The following MICAL3 variants were observed in gnomAD, a reference collection of about 807,000 sequenced individuals.
MICAL3 encodes the protein microtubule associated monooxygenase, calponin and LIM domain containing 3.
Under a neutral mutation model 207.4 loss-of-function variants are expected in MICAL3, and 62 were observed. The ratio of observed to expected loss-of-function variants is 0.30; its 90% CI spans 0.24 to 0.37. The LOEUF (loss-of-function observed/expected upper bound fraction) is 0.37. Among genes scored for constraint, MICAL3 ranks in the 10% least tolerant of loss-of-function variants. The probability of loss-of-function intolerance (pLI) is 1.00; values close to 1 mark genes in which losing one functional copy is unlikely to be tolerated. For missense variants in MICAL3, 2,368 were observed against 2,635.6 expected, an observed-to-expected ratio of 0.90 and a Z score of 2.22; for synonymous variants, 1,077 against 1,069.3, an observed-to-expected ratio of 1.01 and a Z score of -0.14.
chr22:17,896,928 A>G lies in MICAL3; in HGVS notation c.1002T>C (p.Ala334=). The change falls in exon 8 of 32, where the codon GCT becomes GCC. Residue 334 remains alanine (A), a synonymous_variant. Coordinates refer to ENST00000441493, the MANE Select transcript of MICAL3 (RefSeq NM_015241.3). ...LLSRENVDQE[A]LLSYAREAAD... ...CCGCCTCCCTGGCATAGCTGAGCAGAGCCTCCTGGTCCACGTTTTCTCGGG... is the reference window on the plus strand; with the variant it reads ...CCGCCTCCCTGGCATAGCTGAGCAGGGCCTCCTGGTCCACGTTTTCTCGGG... 1 of 1,613,912 alleles carries G rather than the reference A, an allele frequency of 6.2e-7. No homozygotes were observed. The highest frequency in any genetic ancestry group is 8.5e-7 in the Non-Finnish European group (1 of 1,179,880).
chr22:17,950,518 G>GT (rs764967503), intron 1 of MICAL3, among the ~76,000 whole-genome samples: 21 of 151,760 alleles, frequency 1.4e-4, no homozygotes, highest in Non-Finnish European at 2.8e-4. Flanking sequence ...TTTATTTTTC[G>GT]TAGAGACAGG....
chr22:17,865,880 A>C (rs752803618), intron 18 of MICAL3, 44 bp downstream of exon 18: 1 of 1,517,840 alleles, frequency 6.6e-7, no homozygotes, highest in South Asian at 1.1e-5. Context: ...ACACTGCTGC[A>C]ACACCCACTG....
chr22:17,901,448 T>G (rs753854110), intron 5 of MICAL3, among the ~76,000 whole-genome samples: 1 of 151,852 alleles, frequency 6.6e-6, no homozygotes, highest in Non-Finnish European at 1.5e-5. Flanking sequence ...GCGAGCAGAG[T>G]GCTTGAGCCA....
intron 29 of MICAL3, among the ~76,000 whole-genome samples, chr22:17,795,856 G>A (rs999210773): frequency 1.3e-5 from 2 of 149,502 alleles, no homozygotes; most frequent in African/African-American, 2.5e-5. Context: ...AATCCAACAA[G>A]GGGAGTTCCA....
intron 1 of MICAL3, among the ~76,000 whole-genome samples, chr22:18,002,725 C>G (rs1349244844): frequency 6.6e-6 from 1 of 152,206 alleles, no homozygotes; most frequent in Admixed American, 6.5e-5. Context: ...TCAGTTTCAT[C>G]ATCTGGTCCA....
At chr22:17,907,103 G>T (rs749280778) in intron 1 of MICAL3, among the ~76,000 whole-genome samples, 1 of 152,196 alleles carries the variant, frequency 6.6e-6, no homozygotes, top group Non-Finnish European at 1.5e-5. Context: ...TCTAGGAGAC[G>T]AGGCAGACAC....
chr22:17,887,309 A>T lies in MICAL3; in HGVS notation c.2004+14T>A. On this transcript the variant is annotated intron_variant, in intron 14 of 31. Coordinates refer to ENST00000441493, the MANE Select transcript of MICAL3 (RefSeq NM_015241.3). ...CATTAGCTTTGCAGCCCATCAAGAG[A>T]CTCCTCCACATACCTTGGGAGAACG... The T allele has an allele frequency of 6.2e-7, 1 of 1,611,196 alleles. No individual in the cohort carries two copies. Among genetic ancestry groups the T allele is most frequent in the Non-Finnish European group, 8.5e-7 (1 of 1,177,618 alleles).
intron 16 of MICAL3, among the ~76,000 whole-genome samples, chr22:17,879,584 T>A (rs1171647833): frequency 1.3e-5 from 2 of 152,158 alleles, no homozygotes; most frequent in Non-Finnish European, 2.9e-5. Context: ...CAAGGCCGAC[T>A]TTCTGCACAG....
intron 16 of MICAL3, chr22:17,881,393 C>G: frequency 1.9e-6 from 2 of 1,050,544 alleles, no homozygotes; most frequent in Non-Finnish European, 1.4e-6. Flanking sequence ...GGGTGTTTGT[C>G]AGAAGCACCC....
chr22:17,868,798 T>A (rs1927416851), intron 17 of MICAL3, among the ~76,000 whole-genome samples: 1 of 151,930 alleles, frequency 6.6e-6, no homozygotes, highest in South Asian at 2.1e-4. Flanking sequence ...TGCCACTGTA[T>A]GACAGCTACC....
At chr22:17,881,106 T>C in intron 16 of MICAL3, 2 of 1,005,402 alleles carry the variant, frequency 2.0e-6, no homozygotes, top group Admixed American at 2.1e-5. Flanking sequence ...TGATAGTTAT[T>C]GCTGGTAAGA....
chr22:18,007,051 T>TC (rs1556557814), intron 1 of MICAL3: 1 of 151,814 alleles, frequency 6.6e-6, no homozygotes, highest in African/African-American at 2.4e-5. Flanking sequence ...AGACAGGGTT[T>TC]CACCATGTTG....
chr22:17,835,597 G>A (rs1379375771), intron 20 of MICAL3, among the ~76,000 whole-genome samples: 1 of 152,218 alleles, frequency 6.6e-6, no homozygotes, highest in Non-Finnish European at 1.5e-5. Context: ...ACCTTAGCCT[G>A]GAAACTTCTT....
At chr22:17,880,333 G>A (rs186409267) in intron 16 of MICAL3, among the ~76,000 whole-genome samples, 88 of 152,314 alleles carry the variant, frequency 5.8e-4, no homozygotes, top group African/African-American at 2.0e-3. Flanking sequence ...GAGAACTGAC[G>A]GAGACACAGC....
chr22:17,824,144 C>T (rs939593405), intron 22 of MICAL3, among the ~76,000 whole-genome samples: 3 of 152,220 alleles, frequency 2.0e-5, no homozygotes, highest in Non-Finnish European at 4.4e-5. Context: ...GGGCGGCACG[C>T]TCTGCTCTGA....
chr22:17,847,431 T>C (rs1373958464), intron 19 of MICAL3, among the ~76,000 whole-genome samples: 3 of 152,050 alleles, frequency 2.0e-5, no homozygotes, highest in African/African-American at 4.8e-5. Context: ...GGTTCATTCA[T>C]CCAATCACTG....
At position 17,796,001 on chromosome 22, in the gene MICAL3, T is replaced by C. The variant is rs540228656; in HGVS notation, c.5651-4700A>G. ...AAGAACAAAGATGCTGTCAAGCTTCTGGCAAATGGAAGTTTTTTGGTTTTT... is the reference window on the plus strand; with the variant it reads ...AAGAACAAAGATGCTGTCAAGCTTCCGGCAAATGGAAGTTTTTTGGTTTTT... On this transcript the variant is annotated intron_variant, in intron 29 of 31. Coordinates refer to ENST00000441493, the MANE Select transcript of MICAL3 (RefSeq NM_015241.3). This position sits in a 1 kb window ranked among gnomAD's most constrained non-coding sequence, Gnocchi z 4.4. 1.3e-5 allele frequency among the ~76,000 whole-genome samples: 2 copies of C among 152,348 alleles called. No individual in the cohort carries two copies. The highest frequency in any genetic ancestry group is 3.9e-4 in the East Asian group (2 of 5,190).
chr22:17,794,912 G>A (rs939256198), intron 29 of MICAL3, among the ~76,000 whole-genome samples: 6 of 152,182 alleles, frequency 3.9e-5, no homozygotes, highest in Non-Finnish European at 7.3e-5. Context: ...ACGGGGCCTC[G>A]GCCCGCGGGG....
intron 1 of MICAL3, among the ~76,000 whole-genome samples, chr22:17,987,988 C>A (rs1243237709): frequency 6.6e-6 from 1 of 152,192 alleles, no homozygotes; most frequent in African/African-American, 2.4e-5. Context: ...AACAGGCGGG[C>A]AGGCTGCCCC....
Sources: gnomAD v4.1 joint callset for allele counts (sites outside exome capture counted in the v4.1 genomes callset) on GRCh38, gnomAD v4.1.1 for gene constraint, Gnocchi (gnomAD v3.1) non-coding constraint, MANE v1.5 for transcripts, NCBI Gene and HGNC (gene_info 2026-07-23, HGNC 2026-07-21) for gene names.